SYNRG: variants seen among roughly 807,000 people sequenced by gnomAD.
The protein encoded by SYNRG is synergin gamma, also known as AP1 gamma subunit binding protein 1.
In SYNRG, 37 loss-of-function variants were observed where a neutral mutation model predicts 130.9. The ratio of observed to expected loss-of-function variants is 0.28; its 90% CI spans 0.22 to 0.37. SYNRG has a LOEUF of 0.37. SYNRG is among the 10% of genes least tolerant of loss of function. The pLI, the probability that SYNRG is intolerant of heterozygous loss-of-function variation, is 1.00. For missense variants in SYNRG, 1,338 were observed against 1,588.9 expected (o/e 0.84, Z 2.68); for synonymous variants, 539 against 568.1 (o/e 0.95, Z 0.73).
rs1158291354 is a variant in SYNRG, at chr17:37,519,005, C to T, written c.3880G>A (p.Ala1294Thr). ...YGGHQYHASC[A>T]NFWINCVEPK... ...TCGACACAGTTGATCCAGAAGTTGG[C>T]ACAGCTGGCGTGATACTGGTGCCCT... is the stretch of plus-strand genomic sequence containing the variant. The change falls in exon 22 of 22, where the codon GCC becomes ACC. Residue 1294 changes from alanine (A) to threonine (T), a missense_variant. Physicochemically the swap from Ala to Thr is moderately conservative, Grantham distance 58. This residue lies in a region of SYNRG where 1,146 missense variants were observed against 1,342.3 expected (regional missense o/e 0.85). Transcript: ENST00000612223. The T allele has an allele frequency of 6.2e-7, 1 of 1,614,230 alleles. No homozygotes were observed.
intron 19 of SYNRG, chr17:37,529,829 A>T: frequency 1.3e-6 from 2 of 1,551,522 alleles, no homozygotes; most frequent in Non-Finnish European, 1.7e-6. Context: ...CTTTGTAATC[A>T]CAGTCATCTT....
intron 7 of SYNRG, among the ~76,000 whole-genome samples, chr17:37,576,695 CAT>C (rs1265020741): frequency 6.6e-6 from 1 of 152,134 alleles, no homozygotes; most frequent in Non-Finnish European, 1.5e-5. Flanking sequence ...CACCATTTAA[CAT>C]GTATTACAAA....
chr17:37,572,752 C>G (rs2060528172), intron 8 of SYNRG, among the ~76,000 whole-genome samples: 1 of 152,162 alleles, frequency 6.6e-6, no homozygotes, highest in Admixed American at 6.5e-5. Context: ...AGGAAAGACC[C>G]AGTTTCTGTT....
chr17:37,536,789 AGCAAGGATGAGAGGT>A (rs1275076675), intron 18 of SYNRG: 12 of 152,270 alleles, frequency 7.9e-5, no homozygotes, highest in African/African-American at 2.7e-4. Context: ...GAACTCTTGA[AGCAAGGATGAGAGGT>A]GCTAAGTACC....
At chr17:37,600,549 C>T (rs144222230) in intron 1 of SYNRG, 146 bp from the exon 2 acceptor site, 4 of 796,456 alleles carry the variant, frequency 5.0e-6, no homozygotes, top group Admixed American at 2.0e-5. Context: ...AACATCAGTA[C>T]ACTGAGCATC....
chr17:37,553,065 T>C, intron 14 of SYNRG, 50 bp downstream of exon 14: 1 of 1,551,618 alleles, frequency 6.4e-7, no homozygotes, highest in Non-Finnish European at 8.8e-7. Flanking sequence ...CGCAGAATCA[T>C]CTTTGAAATC....
chr17:37,566,818 AATTAGGTTT>A (rs1279719289), intron 11 of SYNRG: 6 of 152,198 alleles, frequency 3.9e-5, no homozygotes, highest in Non-Finnish European at 8.8e-5. Context: ...CCATTTGATA[AATTAGGTTT>A]ATAACCCACA....
At chr17:37,569,954 C>A (rs546112285) in intron 10 of SYNRG, among the ~76,000 whole-genome samples, 36 of 152,122 alleles carry the variant, frequency 2.4e-4, no homozygotes, top group Non-Finnish European at 4.9e-4. Context: ...ATGATTACCA[C>A]TGTGTGAAGG....
At chr17:37,535,087 G>A (rs764689775) in intron 19 of SYNRG, among the ~76,000 whole-genome samples, 26 of 152,126 alleles carry the variant, frequency 1.7e-4, no homozygotes, top group African/African-American at 2.7e-4. Context: ...GCTGATAAAC[G>A]TTTACAAGCT....
At chr17:37,605,691 G>C in intron 1 of SYNRG, 1 of 311,588 alleles carries the variant, frequency 3.2e-6, no homozygotes. Context: ...AGCAGTTAAG[G>C]CATTAATAAG....
At chr17:37,523,577 A>G (rs903874477) in intron 19 of SYNRG, among the ~76,000 whole-genome samples, 4 of 152,254 alleles carry the variant, frequency 2.6e-5, no homozygotes, top group African/African-American at 7.2e-5. Context: ...GTGCGACAGA[A>G]TGGAATCTCA....
intron 11 of SYNRG, 147 bp downstream of exon 11, chr17:37,568,643 TA>T: frequency 1.2e-6 from 1 of 830,670 alleles, no homozygotes; most frequent in Non-Finnish European, 1.8e-6. Flanking sequence ...GTTTGAAAAG[TA>T]AAAGTATTAA....
At chr17:37,594,565 C>T (rs1277310937) in intron 3 of SYNRG, among the ~76,000 whole-genome samples, 1 of 150,616 alleles carries the variant, frequency 6.6e-6, no homozygotes. Context: ...TGGGTTCAAG[C>T]GATTCTCCTG....
chr17:37,542,706 A>ATT (rs1159555506), intron 14 of SYNRG, 141 bp from the exon 15 acceptor site: 5 of 672,574 alleles, frequency 7.4e-6, no homozygotes, highest in African/African-American at 1.8e-5. Context: ...TTGTACTAAA[A>ATT]TTAAGAGTTG....
At chr17:37,529,829 A>G (rs1312658981) in intron 19 of SYNRG, 3 of 1,551,522 alleles carry the variant, frequency 1.9e-6, no homozygotes, top group Admixed American at 3.9e-5. Context: ...CTTTGTAATC[A>G]CAGTCATCTT....
At chr17:37,570,613 A>AAT (rs1171598880) in intron 10 of SYNRG, 24 bp downstream of exon 10, 1 of 1,595,180 alleles carries the variant, frequency 6.3e-7, no homozygotes, top group South Asian at 1.1e-5. Flanking sequence ...GATTATCTGA[A>AAT]ATATGCACAG....
rs375612874 is a variant in SYNRG, at chr17:37,542,165, C to T, written c.3009G>A (p.Thr1003=). Residue 1003 remains threonine (T), a synonymous_variant, in exon 15 of 22, where the codon ACG becomes ACA. Coordinates refer to ENST00000612223, the MANE Select transcript of SYNRG (RefSeq NM_007247.6). ...CACCACTGGACGCTGGGCTGGGACACGTGGCCTCCTGGCTCCGTTCAGCCG... is the reference window on the plus strand; with the variant it reads ...CACCACTGGACGCTGGGCTGGGACATGTGGCCTCCTGGCTCCGTTCAGCCG... The part of the protein sequence containing the change: ...LPTAERSQEA[T]CPSPASSGAS... 3.6e-5 allele frequency: 58 copies of T among 1,614,064 alleles called. 1 individual carries two copies. The Middle Eastern group carries it at 3.1e-3, about 87-fold the overall frequency.
rs1598419752 is a variant in SYNRG, at chr17:37,571,054, T to A, written c.1099-169A>T. On this transcript the variant is annotated intron_variant, in intron 9 of 21. Transcript: ENST00000612223. The stretch of plus-strand genomic sequence containing the variant: ...AAAAGTTACAAGGTCAATGCAAACC[T>A]AATACTTAAGAAAGAAATGGCCAAC... Among the ~76,000 whole-genome samples the A allele has an allele frequency of 3.9e-5, 6 of 152,348 alleles. No individual in the cohort carries two copies. The South Asian group carries it at 1.2e-3, about 32-fold the overall frequency.
Position 37,576,344 on chromosome 17 carries a change from G to T in SYNRG, c.898C>A (p.Pro300Thr), listed in dbSNP as rs776610674. ...PPWIYNESLVPDAYKKILETT... is the reference protein window; with the variant it reads ...PPWIYNESLVTDAYKKILETT... ...CTGGGTAAAGAAGCTTTTTTACCTG[G>T]AACCAAACTCTCATTGTAAATCCAA... Residue 300 changes from proline (P) to threonine (T), a missense_variant, in exon 8 of 22, where the codon CCA (proline) becomes ACA (threonine). Pro to Thr is a conservative substitution (Grantham distance 38, BLOSUM62 -1). Around this residue, in one of 3 missense-constraint regions of SYNRG, gnomAD observed 1,146 missense variants for 1,342.3 expected, o/e 0.85. Transcript: ENST00000612223. 1 of 1,613,362 alleles carries T rather than the reference G, an allele frequency of 6.2e-7. No individual in the cohort carries two copies. Among genetic ancestry groups the T allele is most frequent in the Non-Finnish European group, 8.5e-7 (1 of 1,179,712 alleles).
Sources: gnomAD v4.1 joint callset for allele counts (sites outside exome capture counted in the v4.1 genomes callset) on GRCh38, gnomAD v4.1.1 for gene constraint, gnomAD v4.1.1 regional missense constraint, MANE v1.5 for transcripts, NCBI Gene and HGNC (gene_info 2026-07-23, HGNC 2026-07-21) for gene names.